The following STON2 variants were observed in gnomAD, a reference collection of about 807,000 sequenced individuals.
The protein encoded by STON2 is stonin 2.
In STON2, 29 loss-of-function variants were observed where a neutral mutation model predicts 65.7. The observed-to-expected ratio is 0.44, with a 90% CI of 0.33 to 0.60. The LOEUF (loss-of-function observed/expected upper bound fraction) is 0.60. Among genes scored for constraint, STON2 ranks in the 20% least tolerant of loss-of-function variants. The probability of loss-of-function intolerance (pLI) is 0.03; values close to 1 mark genes in which losing one functional copy is unlikely to be tolerated. For synonymous variants in STON2, 404 were observed against 414.2 expected, an observed-to-expected ratio of 0.98 and a Z score of 0.30; for missense variants, 1,054 against 1,118.1, an observed-to-expected ratio of 0.94 and a Z score of 0.82.
chr14:81,385,489 T>C (rs1265252449), intron 3 of STON2, among the ~76,000 whole-genome samples: 1 of 152,236 alleles, frequency 6.6e-6, no homozygotes, highest in Admixed American at 6.5e-5. Context: ...TGCACATACA[T>C]ATGTGTGTGG....
At chr14:81,296,463 C>A (rs75288917) in intron 5 of STON2, among the ~76,000 whole-genome samples, 1 of 152,114 alleles carries the variant, frequency 6.6e-6, no homozygotes, top group Non-Finnish European at 1.5e-5. Context: ...AAACATGCTG[C>A]CCTCCACTCT....
chr14:81,382,356 G>A (rs758660232), intron 3 of STON2, among the ~76,000 whole-genome samples: 3 of 152,088 alleles, frequency 2.0e-5, no homozygotes, highest in Admixed American at 6.6e-5. Context: ...AGTTCTTTTC[G>A]TTTTTGACAT....
chr14:81,284,956 C>T (rs1895277444), intron 5 of STON2, among the ~76,000 whole-genome samples: 1 of 152,210 alleles, frequency 6.6e-6, no homozygotes, highest in Non-Finnish European at 1.5e-5. Context: ...GCAGGAATTA[C>T]TGAATATTGT....
upstream of STON2, among the ~76,000 whole-genome samples, chr14:81,400,747 G>T (rs892745233): frequency 6.6e-6 from 1 of 152,180 alleles, no homozygotes; most frequent in African/African-American, 2.4e-5. Context: ...AATAGAGATT[G>T]TGATCACAGG....
In STON2 at chr14:81,362,722, A is replaced by T. The variant is rs1792809284; in HGVS notation, c.571+8266T>A. ...TAATTGTTCCACATTGTATTAAAAAATCATAACATAACTTTGTACCCCATA... is the reference window on the plus strand; with the variant it reads ...TAATTGTTCCACATTGTATTAAAAATTCATAACATAACTTTGTACCCCATA... On this transcript the variant is annotated intron_variant, in intron 4 of 7. Coordinates refer to ENST00000614646, the MANE Select transcript of STON2 (RefSeq NM_001394390.1). 2.0e-5 allele frequency among the ~76,000 whole-genome samples: 3 copies of T among 152,320 alleles called. No homozygotes were observed. In the South Asian group the frequency reaches 6.2e-4, roughly 32 times the overall value.
intron 7 of STON2, among the ~76,000 whole-genome samples, chr14:81,269,084 C>T (rs1230580731): frequency 6.6e-6 from 1 of 152,186 alleles, no homozygotes; most frequent in Non-Finnish European, 1.5e-5. Flanking sequence ...CAGCTCACCG[C>T]AACCTCCACT....
rs923096106 is a variant in STON2, at chr14:81,266,155, G to A, written c.*2259C>T. 6.3e-6 allele frequency: 6 copies of A among 956,838 alleles called. No individual in the cohort carries two copies. The highest frequency in any genetic ancestry group is 4.8e-5 in the South Asian group (1 of 20,718). The allele number at this position is 956,838 out of a possible 1,614,324, so 59.3% of individuals were successfully genotyped here. ...AAACCTATATTTAGAAGGAATCTTGGTAGACATATAGACCAAATCCAATGT... is the reference window on the plus strand; with the variant it reads ...AAACCTATATTTAGAAGGAATCTTGATAGACATATAGACCAAATCCAATGT... On this transcript the variant is annotated 3_prime_UTR_variant, in exon 8 of 8. Transcript: ENST00000614646.
At chr14:81,342,773 G>GGA (rs1897663590) in intron 4 of STON2, among the ~76,000 whole-genome samples, 1 of 152,178 alleles carries the variant, frequency 6.6e-6, no homozygotes, top group Non-Finnish European at 1.5e-5. Context: ...CTAGAAGGGG[G>GGA]GGCATGGGGA....
Position 81,266,670 on chromosome 14 carries a change from C to T in STON2, c.*1744G>A, listed in dbSNP as rs1894369007. The stretch of plus-strand genomic sequence containing the variant: ...TAAAAGCATGTAAGGCTTTTATTAA[C>T]ACCAGCTGACTACATTAGCTTTGTG... On this transcript the variant is annotated 3_prime_UTR_variant, in exon 8 of 8. Coordinates refer to ENST00000614646, the MANE Select transcript of STON2 (RefSeq NM_001394390.1). 1 of 985,118 alleles carries T rather than the reference C, an allele frequency of 1.0e-6. No individual in the cohort carries two copies. Among genetic ancestry groups the T allele is most frequent in the African/African-American group, 1.7e-5 (1 of 57,210 alleles). 61.0% of individuals were successfully genotyped at this position (985,118 alleles called of 1,614,324 possible). A position where few individuals can be genotyped will look rare whatever the true frequency, so the allele number is the denominator to read the frequency against.
intron 4 of STON2, among the ~76,000 whole-genome samples, chr14:81,333,598 G>GT (rs1204185687): frequency 6.6e-6 from 1 of 152,058 alleles, no homozygotes; most frequent in African/African-American, 2.4e-5. Flanking sequence ...GCTGTTAACC[G>GT]TAACACTGCA....
chr14:81,377,547 G>C (rs1196554314), intron 3 of STON2, among the ~76,000 whole-genome samples: 2 of 152,102 alleles, frequency 1.3e-5, no homozygotes. Flanking sequence ...CAATTGCTGG[G>C]TCATACGGTA....
chr14:81,339,476 G>A (rs1897507899), intron 4 of STON2, among the ~76,000 whole-genome samples: 1 of 152,108 alleles, frequency 6.6e-6, no homozygotes, highest in East Asian at 1.9e-4. Flanking sequence ...CCATCACTGT[G>A]GGAAAGAACC....
chr14:81,328,101 T>C (rs1014284490), intron 4 of STON2, among the ~76,000 whole-genome samples: 1 of 152,144 alleles, frequency 6.6e-6, no homozygotes, highest in African/African-American at 2.4e-5. Flanking sequence ...ACTCAATAAG[T>C]TGTAGTCATG....
intron 5 of STON2, among the ~76,000 whole-genome samples, chr14:81,295,169 G>A (rs571361038): frequency 5.9e-5 from 9 of 151,998 alleles, no homozygotes; most frequent in Admixed American, 6.6e-5. Flanking sequence ...CTAAAAATAC[G>A]AAAAAATTAG....
chr14:81,304,078 T>C (rs918204345), intron 5 of STON2, among the ~76,000 whole-genome samples: 1 of 152,212 alleles, frequency 6.6e-6, no homozygotes, highest in Non-Finnish European at 1.5e-5. Context: ...GATTTTCTTA[T>C]CGGCATCGCT....
intron 1 of STON2, among the ~76,000 whole-genome samples, chr14:81,434,708 T>C (rs746130169): frequency 6.6e-6 from 1 of 152,072 alleles, no homozygotes; most frequent in Non-Finnish European, 1.5e-5. Flanking sequence ...TAGGAGGCAA[T>C]TGAGCAGGGG....
At chr14:81,330,931 G>A (rs1469300305) in intron 4 of STON2, among the ~76,000 whole-genome samples, 1 of 152,250 alleles carries the variant, frequency 6.6e-6, no homozygotes, top group East Asian at 1.9e-4. Flanking sequence ...GAAGGAAGCA[G>A]AAGAGACTAT....
intron 4 of STON2, among the ~76,000 whole-genome samples, chr14:81,340,287 A>T (rs1018259202): frequency 3.9e-5 from 6 of 152,162 alleles, no homozygotes; most frequent in South Asian, 2.1e-4. Context: ...GTGGGTGCTT[A>T]GGGGTGGGGT....
intron 6 of STON2, among the ~76,000 whole-genome samples, chr14:81,275,074 T>C (rs1287912825): frequency 6.6e-6 from 1 of 152,152 alleles, no homozygotes; most frequent in African/African-American, 2.4e-5. Context: ...CTCAGGTCTC[T>C]GAGCTATCCT....
Sources: gnomAD v4.1 joint callset for allele counts (sites outside exome capture counted in the v4.1 genomes callset) on GRCh38, gnomAD v4.1.1 for gene constraint, MANE v1.5 for transcripts, NCBI Gene and HGNC (gene_info 2026-07-23, HGNC 2026-07-21) for gene names.